The following FAM168A variants were observed in gnomAD, a reference collection of about 807,000 sequenced individuals.
The protein encoded by FAM168A is protein FAM168A.
In FAM168A, 3 loss-of-function variants were observed where a neutral mutation model predicts 28.5. The observed-to-expected ratio is 0.11, with a 90% CI of 0.05 to 0.27. The LOEUF (loss-of-function observed/expected upper bound fraction) is 0.27, where lower values mean the gene tolerates loss of function less well. FAM168A is among the 10% of genes least tolerant of loss of function. The probability of loss-of-function intolerance (pLI) is 1.00; values close to 1 mark genes in which losing one functional copy is unlikely to be tolerated. For missense variants in FAM168A, 222 were observed against 311.5 expected, an observed-to-expected ratio of 0.71 and a Z score of 2.16; for synonymous variants, 122 against 124.2, an observed-to-expected ratio of 0.98 and a Z score of 0.12.
intron 3 of FAM168A, chr11:73,430,309 G>GGGGTGTGT (rs1171436765): frequency 3.9e-6 from 1 of 257,976 alleles, no homozygotes; most frequent in Non-Finnish European, 7.6e-6. Context: ...TGTGTCCCAA[G>GGGGTGTGT]GGGTGTGTGG....
chr11:73,497,387 C>T (rs189419242), intron 1 of FAM168A, among the ~76,000 whole-genome samples: 2 of 152,082 alleles, frequency 1.3e-5, no homozygotes, highest in Admixed American at 6.5e-5. Flanking sequence ...ATCACTTGAA[C>T]CTGGGAGGCG....
At chr11:73,513,854 T>C (rs916663090) in intron 1 of FAM168A, among the ~76,000 whole-genome samples, 1 of 152,162 alleles carries the variant, frequency 6.6e-6, no homozygotes, top group African/African-American at 2.4e-5. Context: ...GGCTATGTTA[T>C]TTGAACTTTC....
chr11:73,490,251 A>G (rs1868109510), intron 1 of FAM168A, among the ~76,000 whole-genome samples: 1 of 152,094 alleles, frequency 6.6e-6, no homozygotes, highest in Non-Finnish European at 1.5e-5. Context: ...CACTTCTACC[A>G]TCTTAATCTA....
At chr11:73,490,910 C>T (rs1483025023) in intron 1 of FAM168A, among the ~76,000 whole-genome samples, 2 of 152,138 alleles carry the variant, frequency 1.3e-5, no homozygotes, top group Non-Finnish European at 2.9e-5. Context: ...ACTGTTGCAT[C>T]CCCAGTGCTA....
At chr11:73,563,848 G>C (rs886640875) in intron 1 of FAM168A, among the ~76,000 whole-genome samples, 1 of 152,202 alleles carries the variant, frequency 6.6e-6, no homozygotes, top group Non-Finnish European at 1.5e-5. Context: ...TAGGACTCTT[G>C]GTTGTAAATG....
chr11:73,489,157 A>T (rs991529709), intron 1 of FAM168A, among the ~76,000 whole-genome samples: 15 of 152,072 alleles, frequency 9.9e-5, no homozygotes, highest in African/African-American at 3.6e-4. Context: ...GGGATTACAT[A>T]GGTGTGAGCC....
At chr11:73,476,255 G>A (rs1241762999) in intron 1 of FAM168A, among the ~76,000 whole-genome samples, 1 of 152,096 alleles carries the variant, frequency 6.6e-6, no homozygotes, top group Non-Finnish European at 1.5e-5. Context: ...CAGAACTCCT[G>A]ATCAAACATT....
chr11:73,592,107 T>C (rs1028472511), intron 1 of FAM168A, among the ~76,000 whole-genome samples: 1 of 152,204 alleles, frequency 6.6e-6, no homozygotes, highest in Non-Finnish European at 1.5e-5. Flanking sequence ...TAATCTCAAG[T>C]AGCCAAGGAT....
At chr11:73,498,878 G>C (rs1346497231) in intron 1 of FAM168A, among the ~76,000 whole-genome samples, 1 of 152,204 alleles carries the variant, frequency 6.6e-6, no homozygotes, top group Non-Finnish European at 1.5e-5. Context: ...CTGGACCTGA[G>C]CCCCTAGCGG....
intron 1 of FAM168A, among the ~76,000 whole-genome samples, chr11:73,497,776 T>C (rs1407260134): frequency 2.0e-5 from 3 of 151,998 alleles, no homozygotes; most frequent in African/African-American, 7.3e-5. Flanking sequence ...GGGGAAGGGA[T>C]AGCATTAGGA....
intron 2 of FAM168A, among the ~76,000 whole-genome samples, chr11:73,462,377 T>C (rs1689296650): frequency 6.6e-6 from 1 of 152,228 alleles, no homozygotes; most frequent in Non-Finnish European, 1.5e-5. Flanking sequence ...TTCATTTATA[T>C]GAGCATCTAG....
intron 1 of FAM168A, among the ~76,000 whole-genome samples, chr11:73,489,032 G>C (rs538426819): frequency 6.6e-6 from 1 of 152,130 alleles, no homozygotes; most frequent in East Asian, 1.9e-4. Context: ...GGGACTGTAA[G>C]TGTATGCCCG....
At chr11:73,587,567 T>C (rs1311397098) in intron 1 of FAM168A, among the ~76,000 whole-genome samples, 2 of 151,764 alleles carry the variant, frequency 1.3e-5, no homozygotes, top group East Asian at 1.9e-4. Flanking sequence ...TGCAGAGCTG[T>C]AGTTCCAGCT....
Position 73,527,099 on chromosome 11 carries a change from A to G in FAM168A, c.-18-58607T>C, listed in dbSNP as rs141766497. Among the ~76,000 whole-genome samples, 703 of 151,856 alleles carry G rather than the reference A, an allele frequency of 4.6e-3. 7 individuals are homozygous for G. Among genetic ancestry groups the G allele is most frequent in the African/African-American group, 0.016 (678 of 41,160 alleles). ...CATGATCACACCTCCTTAAAGGACC[A>G]TAACAAACACTCCTTAATCTTGTGT... On this transcript the variant is annotated intron_variant, in intron 1 of 7. Transcript: ENST00000356467.
chr11:73,532,733 T>C (rs759330841), intron 1 of FAM168A, among the ~76,000 whole-genome samples: 8 of 152,236 alleles, frequency 5.3e-5, no homozygotes, highest in Non-Finnish European at 1.2e-4. Flanking sequence ...TAAATTTCAA[T>C]GTTGGTGGCA....
chr11:73,567,850 T>C (rs1210843063), intron 1 of FAM168A, among the ~76,000 whole-genome samples: 5 of 152,186 alleles, frequency 3.3e-5, no homozygotes, highest in African/African-American at 4.8e-5. Flanking sequence ...GACAACAAGA[T>C]AGAAGGAGCC....
At chr11:73,553,632 T>C (rs545440695) in intron 1 of FAM168A, among the ~76,000 whole-genome samples, 1 of 152,206 alleles carries the variant, frequency 6.6e-6, no homozygotes, top group African/African-American at 2.4e-5. Context: ...AACAAATACT[T>C]AGTCCCTGCA....
chr11:73,494,481 C>T (rs185848511), intron 1 of FAM168A, among the ~76,000 whole-genome samples: 1 of 152,298 alleles, frequency 6.6e-6, no homozygotes, highest in East Asian at 1.9e-4. Flanking sequence ...GAATACCAGG[C>T]CAAGTCCTTT....
intron 1 of FAM168A, among the ~76,000 whole-genome samples, chr11:73,485,671 T>C (rs565690519): frequency 8.5e-5 from 13 of 152,280 alleles, no homozygotes; most frequent in African/African-American, 3.1e-4. Context: ...ATTACGTGTA[T>C]TTTAAAAATT....
Sources: gnomAD v4.1 joint callset for allele counts (sites outside exome capture counted in the v4.1 genomes callset) on GRCh38, gnomAD v4.1.1 for gene constraint, MANE v1.5 for transcripts, NCBI Gene and HGNC (gene_info 2026-07-23, HGNC 2026-07-21) for gene names.